The following MMP12 variants were observed in gnomAD, a reference collection of about 807,000 sequenced individuals.
MMP12 encodes the protein matrix metallopeptidase 12, also known as macrophage metalloelastase.
A neutral mutation model predicts 45.2 loss-of-function variants in MMP12; 51 were observed. The observed-to-expected ratio is 1.13, with a 90% CI of 0.90 to 1.42. The LOEUF is 1.42. Ranked by LOEUF, MMP12 falls within the 40% of genes most tolerant of loss-of-function variation. The pLI is 0.00. For missense variants in MMP12, 530 were observed against 570.8 expected (o/e 0.93, Z 0.73); for synonymous variants, 210 against 193.3 (o/e 1.09, Z -0.72).
At chr11:102,868,542 G>GA (rs1169743137) in intron 4 of MMP12, among the ~76,000 whole-genome samples, 3 of 151,904 alleles carry the variant, frequency 2.0e-5, no homozygotes, top group Admixed American at 6.6e-5. Flanking sequence ...ACTAGATATA[G>GA]AAAAAAATGT....
chr11:102,868,216 T>C, intron 4 of MMP12, 147 bp from the exon 5 acceptor site: 1 of 708,290 alleles, frequency 1.4e-6, no homozygotes, highest in South Asian at 1.9e-5. Context: ...ATCTCAGCAC[T>C]TCTGACATTA....
intron 9 of MMP12, among the ~76,000 whole-genome samples, chr11:102,863,783 G>A (rs1859334884): frequency 6.6e-6 from 1 of 152,226 alleles, no homozygotes; most frequent in South Asian, 2.1e-4. Context: ...AAGAGTGCAA[G>A]GTGTAGGAAA....
Position 102,865,670 on chromosome 11 carries a change from G to C in MMP12, c.1205+106C>G. ...TTCTCTTAATCTCTCTCCCTGGAAGGTCAAGGAGCTTTGGGAATTTGCGCA... is the reference window on the plus strand; with the variant it reads ...TTCTCTTAATCTCTCTCCCTGGAAGCTCAAGGAGCTTTGGGAATTTGCGCA... On this transcript the variant is annotated intron_variant, in intron 8 of 9. Transcript: ENST00000571244. This position sits in a 1 kb window ranked among gnomAD's most constrained non-coding sequence, Gnocchi z 4.1. 1 of 849,290 alleles carries C rather than the reference G, an allele frequency of 1.2e-6. No homozygotes were observed. The highest frequency in any genetic ancestry group is 2.9e-5 in the Admixed American group (1 of 34,088). 52.6% of individuals were successfully genotyped at this position (849,290 alleles called of 1,614,324 possible).
rs552904995 is a variant in MMP12, at chr11:102,863,710, A to G, written c.1312+436T>C. The stretch of plus-strand genomic sequence containing the variant: ...TACGATACAAACTCAAGCTTTTCTT[A>G]ACCCACCCGCAGTCCCCAGTCCATG... On this transcript the variant is annotated intron_variant, in intron 9 of 9. Transcript: ENST00000571244. Among the ~76,000 whole-genome samples, 18 of 152,302 alleles carry G rather than the reference A, an allele frequency of 1.2e-4. No homozygotes were observed. In the South Asian group the frequency reaches 3.7e-3, roughly 32 times the overall value.
chr11:102,866,451 G>A lies in MMP12; in HGVS notation c.912-3C>T, dbSNP rs782615824. The A allele has an allele frequency of 1.2e-6, 2 of 1,610,170 alleles. No homozygotes were observed. The highest frequency in any genetic ancestry group is 1.7e-6 in the Non-Finnish European group (2 of 1,178,428). ...CAGAAACCTTCAGCCAGAAGAACCT[G>A]ACATGAAAGACATTTGACACATGTT... On this transcript the variant is annotated splice_polypyrimidine_tract_variant and splice_region_variant and intron_variant, in intron 6 of 9. Coordinates refer to ENST00000571244, the MANE Select transcript of MMP12 (RefSeq NM_002426.6).
At chr11:102,873,872 T>C (rs1205896442) in intron 1 of MMP12, among the ~76,000 whole-genome samples, 1 of 149,672 alleles carries the variant, frequency 6.7e-6, no homozygotes, top group Non-Finnish European at 1.5e-5. Context: ...CTACTAAAAA[T>C]ACAAAAATTA....
chr11:102,870,811 T>C (rs1185255142), intron 4 of MMP12, among the ~76,000 whole-genome samples: 1 of 152,246 alleles, frequency 6.6e-6, no homozygotes, highest in African/African-American at 2.4e-5. Context: ...TGTTTCTCTA[T>C]AGGGATGCTT....
rs782641397 is a variant in MMP12 at position 102,866,401 on chromosome 11, A to G, written c.959T>C (p.Leu320Ser). ...CAAGGTTGGCCATAAGGAAGAAATT[A>G]AATTAACACTGGTCTTTGGTCTCTC... ...VSERPKTSVN[L>S]ISSLWPTLPS... Residue 320 changes from leucine to serine, a missense_variant, in exon 7 of 10, where the codon TTA becomes TCA. Transcript: ENST00000571244. 20 of 1,609,486 alleles carry G rather than the reference A, an allele frequency of 1.2e-5. No homozygotes were observed. The South Asian group carries it at 1.9e-4, about 15-fold the overall frequency.
At position 102,867,917 on chromosome 11, in the gene MMP12, A is replaced by G. The variant is rs1859424227; in HGVS notation, c.778T>C (p.Ser260Pro). The G allele has an allele frequency of 6.2e-7, 1 of 1,609,336 alleles. No individual in the cohort carries two copies. The highest frequency in any genetic ancestry group is 8.5e-7 in the Non-Finnish European group (1 of 1,178,024). ...AAAGAATTCAACTCACCATACAGGG[A>G]CTGAATGCCACGTATGTCATCAGCA... ...LSADDIRGIQ[S>P]LYGDPKENQR... The change falls in exon 5 of 10, where the codon TCC becomes CCC. Residue 260 changes from serine to proline, a missense_variant. Coordinates refer to ENST00000571244, the MANE Select transcript of MMP12 (RefSeq NM_002426.6).
chr11:102,868,040 C>T lies in MMP12; in HGVS notation c.655G>A (p.Glu219Lys), dbSNP rs200751457. Residue 219 changes from glutamate to lysine, a missense_variant, in exon 5 of 10, where the codon GAG becomes AAG. Physicochemically the swap from Glu to Lys is moderately conservative, Grantham distance 56. Transcript: ENST00000571244. ...GTNLFLTAVH[E>K]IGHSLGLGHS... ...CCAAGACCTAAGGAATGGCCAATCT[C>T]GTGAACAGCAGTGAGGAACAAGTTT... The T allele has an allele frequency of 1.5e-5, 24 of 1,601,546 alleles. 1 individual carries two copies. The highest frequency in any genetic ancestry group is 7.9e-5 in the South Asian group (7 of 88,270).
intron 4 of MMP12, among the ~76,000 whole-genome samples, chr11:102,868,326 C>CA (rs1252990131): frequency 1.3e-5 from 2 of 152,002 alleles, no homozygotes; most frequent in African/African-American, 4.8e-5. Context: ...TTTTGACAAC[C>CA]AAAAAATGTC....
At chr11:102,874,538 A>G (rs1274006090) in intron 1 of MMP12, among the ~76,000 whole-genome samples, 2 of 152,240 alleles carry the variant, frequency 1.3e-5, no homozygotes, top group South Asian at 2.1e-4. Context: ...AGTGTAAAAT[A>G]CCATAACAGA....
At position 102,867,507 on chromosome 11, in the gene MMP12, T is replaced by A. The variant is rs191141707; in HGVS notation, c.788-114A>T. Reference sequence around the variant, plus strand: ...TTAATGAACATTGCATCAAAATCATTTTAAGCTTTCTATAACATTCACAGG... The same window carrying A: ...TTAATGAACATTGCATCAAAATCATATTAAGCTTTCTATAACATTCACAGG... On this transcript the variant is annotated intron_variant, in intron 5 of 9. Transcript: ENST00000571244. 4.7e-5 allele frequency: 52 copies of A among 1,096,706 alleles called. No individual in the cohort carries two copies. The East Asian group carries it at 1.4e-3, about 29-fold the overall frequency. The allele number at this position is 1,096,706 out of a possible 1,614,324, so 67.9% of individuals were successfully genotyped here. A position where few individuals can be genotyped will look rare whatever the true frequency, so the allele number is the denominator to read the frequency against.
At position 102,864,191 on chromosome 11, in the gene MMP12, G is replaced by T; in HGVS notation, c.1267C>A (p.Gln423Lys). The change falls in exon 9 of 10, where the codon CAA becomes AAA. Residue 423 changes from glutamine to lysine, a missense_variant. Gln to Lys is a moderately conservative substitution (Grantham distance 53). Transcript: ENST00000571244. ...GYPKLITKNF[Q>K]GIGPKIDAVF... ...GCATCAATTTTAGGCCCGATTCCTT[G>T]GAAGTTCTTGGTAATCAGTTTGGGA... 1 of 1,613,802 alleles carries T rather than the reference G, an allele frequency of 6.2e-7. No homozygotes were observed. The highest frequency in any genetic ancestry group is 1.3e-5 in the African/African-American group (1 of 75,026).
At chr11:102,872,581 TCCA>T (rs1217261070) in intron 2 of MMP12, among the ~76,000 whole-genome samples, 1 of 152,166 alleles carries the variant, frequency 6.6e-6, no homozygotes, top group Non-Finnish European at 1.5e-5. Flanking sequence ...GACCTCGTGA[TCCA>T]CCCACCTTGG....
intron 7 of MMP12, 108 bp from the exon 8 acceptor site, chr11:102,866,043 A>C: frequency 1.1e-6 from 1 of 937,520 alleles, no homozygotes; most frequent in Non-Finnish European, 1.5e-6. Context: ...TATAATATTT[A>C]TTGCTTATTG....
At chr11:102,864,349 A>G in intron 8 of MMP12, 97 bp from the exon 9 acceptor site, 2 of 788,194 alleles carry the variant, frequency 2.5e-6, no homozygotes, top group Non-Finnish European at 4.4e-6. Context: ...TCTTCCCCAA[A>G]GGACTTAAGT....
chr11:102,872,878 A>C lies in MMP12; in HGVS notation c.337T>G (p.Tyr113Asp), dbSNP rs1859525922. The change falls in exon 2 of 10, where the codon TAT becomes GAT. Residue 113 changes from tyrosine (Y) to aspartate (D), a missense_variant. By Grantham distance (160) the Tyr-to-Asp change is radical. Transcript: ENST00000571244. ...CACCAACGTTACCTGTAGGTGATAT[A>C]ATGTTTCCTCCATACGGGCCCCCCT... Reference protein sequence around the residue: ...MPGGPVWRKHYITYRINNYTP... With the variant: ...MPGGPVWRKHDITYRINNYTP... The C allele has an allele frequency of 6.2e-7, 1 of 1,613,820 alleles. No individual in the cohort carries two copies. Among genetic ancestry groups the C allele is most frequent in the African/African-American group, 1.3e-5 (1 of 75,034 alleles).
chr11:102,864,918 G>C (rs1284565674), intron 8 of MMP12, among the ~76,000 whole-genome samples: 1 of 152,206 alleles, frequency 6.6e-6, no homozygotes, highest in Non-Finnish European at 1.5e-5. Context: ...CCTGGGCCAA[G>C]TAGGAGTGGA....
Sources: allele counts gnomAD v4.1 joint callset (sites outside exome capture counted in the v4.1 genomes callset), GRCh38; gene constraint gnomAD v4.1.1; non-coding constraint Gnocchi (gnomAD v3.1); transcripts MANE v1.5; gene names NCBI Gene and HGNC (gene_info 2026-07-23, HGNC 2026-07-21).